The following SCHIP1 variants were observed in gnomAD, a reference collection of about 807,000 sequenced individuals.
SCHIP1 encodes schwannomin interacting protein 1, also known as schwannomin-interacting protein 1.
A neutral mutation model predicts 29.7 loss-of-function variants in SCHIP1; 8 were observed. The ratio of observed to expected loss-of-function variants is 0.27; its 90% CI spans 0.16 to 0.49. The LOEUF is 0.49. Among genes scored for constraint, SCHIP1 ranks in the 20% least tolerant of loss-of-function variants. SCHIP1 has a pLI of 0.99. For missense variants in SCHIP1, 193 were observed against 294.6 expected (o/e 0.66, Z 2.52); for synonymous variants, 76 against 94.9 (o/e 0.80, Z 1.16).
At chr3:159,735,051 G>T in the SCHIP1 span, among the ~76,000 whole-genome samples, 1 of 151,808 alleles carries the variant, frequency 6.6e-6, no homozygotes, top group Non-Finnish European at 1.5e-5. Context: ...GTGAAGAATT[G>T]TTGATTGTTT....
intron 2 of SCHIP1, among the ~76,000 whole-genome samples, chr3:159,868,252 A>T (rs1364658803): frequency 1.3e-5 from 2 of 151,192 alleles, no homozygotes; most frequent in Non-Finnish European, 3.0e-5. Flanking sequence ...TCCTTGTGCC[A>T]CTCTCCAGAA....
chr3:159,316,291 C>T, the SCHIP1 span, among the ~76,000 whole-genome samples: 18 of 152,192 alleles, frequency 1.2e-4, no homozygotes, highest in Non-Finnish European at 1.8e-4. Context: ...AGAGCCAGTC[C>T]GAGTCTCAAA....
the SCHIP1 span, among the ~76,000 whole-genome samples, chr3:159,434,840 C>T: frequency 5.8e-4 from 88 of 152,242 alleles, no homozygotes; most frequent in Admixed American, 1.8e-3. Flanking sequence ...TCTTGTTTCC[C>T]ATGACCTAAA....
At chr3:159,619,979 TAAC>T in the SCHIP1 span, among the ~76,000 whole-genome samples, 1 of 152,206 alleles carries the variant, frequency 6.6e-6, no homozygotes, top group Non-Finnish European at 1.5e-5. Flanking sequence ...TTTACCTTCA[TAAC>T]AACAGTGTAC....
chr3:159,426,138 A>C, the SCHIP1 span, among the ~76,000 whole-genome samples: 2 of 152,030 alleles, frequency 1.3e-5, no homozygotes, highest in Non-Finnish European at 2.9e-5. Context: ...AAGAACTAGA[A>C]AAGCAAGAGC....
the SCHIP1 span, among the ~76,000 whole-genome samples, chr3:159,398,558 G>A: frequency 7.2e-5 from 11 of 152,246 alleles, no homozygotes; most frequent in South Asian, 8.3e-4. Context: ...ACTGGATTCC[G>A]GGGGAACAAT....
At chr3:159,795,516 G>A in the SCHIP1 span, among the ~76,000 whole-genome samples, 6 of 152,154 alleles carry the variant, frequency 3.9e-5, no homozygotes, top group African/African-American at 7.2e-5. Flanking sequence ...AAGACATCAC[G>A]GCCAGTAAGG....
the SCHIP1 span, among the ~76,000 whole-genome samples, chr3:159,485,702 T>C: frequency 6.6e-6 from 1 of 152,186 alleles, no homozygotes; most frequent in Non-Finnish European, 1.5e-5. Context: ...GTTTCCTTAT[T>C]TGTAAAACAG....
chr3:159,539,517 C>T, the SCHIP1 span, among the ~76,000 whole-genome samples: 2 of 135,948 alleles, frequency 1.5e-5, 1 homozygote, highest in Non-Finnish European at 3.4e-5. Flanking sequence ...GTGCAAAATG[C>T]TGTGGGTATG....
chr3:159,436,869 A>G, the SCHIP1 span, among the ~76,000 whole-genome samples: 1 of 152,172 alleles, frequency 6.6e-6, no homozygotes, highest in African/African-American at 2.4e-5. Flanking sequence ...CTATGCCTTC[A>G]TGGTTCCATC....
chr3:159,827,697 C>T, the SCHIP1 span, among the ~76,000 whole-genome samples: 11 of 151,344 alleles, frequency 7.3e-5, no homozygotes, highest in Admixed American at 4.6e-4. Flanking sequence ...CCCAGCTACT[C>T]GGGAGGCTGA....
At chr3:159,837,341 A>G (rs916727157), upstream of SCHIP1, among the ~76,000 whole-genome samples, 2 of 152,200 alleles carry the variant, frequency 1.3e-5, no homozygotes, top group Admixed American at 6.5e-5. Flanking sequence ...TGTTTTTTAT[A>G]TTAAACAGAT....
At chr3:159,422,096 AT>A in the SCHIP1 span, among the ~76,000 whole-genome samples, 1 of 152,306 alleles carries the variant, frequency 6.6e-6, no homozygotes, top group Non-Finnish European at 1.5e-5. Context: ...CATTTTCAGC[AT>A]TTCCTCTGTA....
At chr3:159,378,989 T>G in the SCHIP1 span, among the ~76,000 whole-genome samples, 3 of 152,182 alleles carry the variant, frequency 2.0e-5, no homozygotes, top group Non-Finnish European at 4.4e-5. Context: ...CAGTGGACAA[T>G]GGAGGCTTGT....
the SCHIP1 span, among the ~76,000 whole-genome samples, chr3:159,558,061 A>G: frequency 6.6e-6 from 1 of 152,214 alleles, no homozygotes; most frequent in African/African-American, 2.4e-5. Flanking sequence ...TGGGATGCTC[A>G]TTGTAAGCTC....
At chr3:159,592,701 C>G in the SCHIP1 span, among the ~76,000 whole-genome samples, 1 of 152,060 alleles carries the variant, frequency 6.6e-6, no homozygotes, top group Non-Finnish European at 1.5e-5. Context: ...ATGGCTCCCT[C>G]TACTTTGTTC....
the SCHIP1 span, among the ~76,000 whole-genome samples, chr3:159,547,535 T>C: frequency 6.6e-6 from 1 of 152,218 alleles, no homozygotes; most frequent in Non-Finnish European, 1.5e-5. Context: ...TTCTAGGGTT[T>C]TTATAGTTTT....
the SCHIP1 span, among the ~76,000 whole-genome samples, chr3:159,788,457 A>G: frequency 6.6e-6 from 1 of 152,190 alleles, no homozygotes; most frequent in Non-Finnish European, 1.5e-5. Context: ...GAAATTAAAT[A>G]CAGAGACACT....
chr3:159,806,944 T>C, the SCHIP1 span, among the ~76,000 whole-genome samples: 2 of 152,356 alleles, frequency 1.3e-5, no homozygotes, highest in East Asian at 3.9e-4. Context: ...CCTAAAGTAT[T>C]GTATCAGTTT....
Sources: gnomAD v4.1 joint callset for allele counts (sites outside exome capture counted in the v4.1 genomes callset) on GRCh38, gnomAD v4.1.1 for gene constraint, MANE v1.5 for transcripts, NCBI Gene and HGNC (gene_info 2026-07-23, HGNC 2026-07-21) for gene names.